Variants in TMPRSS11D observed in about 807,000 individuals in gnomAD.
TMPRSS11D encodes the protein transmembrane protease serine 11D.
Under a neutral mutation model 44.4 loss-of-function variants are expected in TMPRSS11D, and 32 were observed. That is an observed-to-expected ratio of 0.72 (90% CI 0.54 to 0.97). TMPRSS11D has a LOEUF of 0.97. Among genes scored for constraint, TMPRSS11D ranks in the 50% least tolerant of loss-of-function variants. The probability of loss-of-function intolerance (pLI) is 0.00; values close to 1 mark genes in which losing one functional copy is unlikely to be tolerated. For synonymous variants in TMPRSS11D, 179 were observed against 177.9 expected, an observed-to-expected ratio of 1.01 and a Z score of -0.05; for missense variants, 446 against 502.6, an observed-to-expected ratio of 0.89 and a Z score of 1.08.
chr4:67,848,103 T>C (rs1982778), intron 3 of TMPRSS11D, among the ~76,000 whole-genome samples: 109,019 of 152,174 alleles, frequency 0.72, 41,505 homozygotes, highest in Middle Eastern at 0.85. Context: ...TAATATTGCT[T>C]TCTTTCTCCT....
intron 3 of TMPRSS11D, 84 bp from the exon 4 acceptor site, chr4:67,842,709 T>C: frequency 8.2e-7 from 1 of 1,221,118 alleles, no homozygotes; most frequent in Non-Finnish European, 1.2e-6. Flanking sequence ...TGAGACATGT[T>C]AATGAGGAGT....
intron 1 of TMPRSS11D, among the ~76,000 whole-genome samples, chr4:67,861,801 T>C (rs889426390): frequency 3.3e-5 from 5 of 152,106 alleles, no homozygotes; most frequent in Non-Finnish European, 5.9e-5. Flanking sequence ...TCACAAGCCA[T>C]AACTAATTAC....
In TMPRSS11D at chr4:67,859,594, T is replaced by C. The variant is rs1560545963; in HGVS notation, c.93A>G (p.Ala31=). 3 of 1,613,160 alleles carry C rather than the reference T, an allele frequency of 1.9e-6. No individual in the cohort carries two copies. ...FIVVAGVVIL[A]VTIALLVYFL... ...AGTAAACAAGTAGAGCTATGGTGACTGCCAGGATCACTACCCCTGCGACGA... is the reference window on the plus strand; with the variant it reads ...AGTAAACAAGTAGAGCTATGGTGACCGCCAGGATCACTACCCCTGCGACGA... Residue 31 remains alanine (A), a synonymous_variant, in exon 2 of 10, where the codon GCA becomes GCG. Transcript: ENST00000283916.
intron 4 of TMPRSS11D, among the ~76,000 whole-genome samples, chr4:67,840,080 C>G (rs191413373): frequency 1.3e-5 from 2 of 150,016 alleles, no homozygotes; most frequent in African/African-American, 4.9e-5. Flanking sequence ...TATGTTAAGT[C>G]TAGGTTGTAC....
intron 3 of TMPRSS11D, among the ~76,000 whole-genome samples, chr4:67,852,723 G>C (rs1718538207): frequency 1.3e-5 from 2 of 152,180 alleles, no homozygotes; most frequent in African/African-American, 4.8e-5. Flanking sequence ...ACAGGAACCA[G>C]ATGTAGGGTT....
chr4:67,856,387 ACT>A (rs1718637201), intron 2 of TMPRSS11D, among the ~76,000 whole-genome samples: 1 of 152,130 alleles, frequency 6.6e-6, no homozygotes, highest in African/African-American at 2.4e-5. Context: ...GGGAAAGCAC[ACT>A]CTTTTCAATA....
Position 67,842,541 on chromosome 4 carries a change from T to C in TMPRSS11D, c.317+17A>G, listed in dbSNP as rs1158950750. The C allele has an allele frequency of 3.1e-6, 5 of 1,608,626 alleles. No homozygotes were observed. The Admixed American group carries it at 8.4e-5, about 27-fold the overall frequency. On this transcript the variant is annotated intron_variant, in intron 4 of 9. Transcript: ENST00000283916. ...ATTGTATCTATACTTAAATATTTTT[T>C]CTACAGTTCCACTCACCTCAGTTTG...
intron 9 of TMPRSS11D, 144 bp from the exon 10 acceptor site, chr4:67,822,642 A>C (rs908085528): frequency 1.1e-6 from 1 of 884,478 alleles, no homozygotes; most frequent in Non-Finnish European, 1.7e-6. Context: ...TATTATACCA[A>C]GTCATGGAAA....
chr4:67,854,581 A>T (rs1343088317), intron 2 of TMPRSS11D, among the ~76,000 whole-genome samples: 1 of 152,176 alleles, frequency 6.6e-6, no homozygotes, highest in Non-Finnish European at 1.5e-5. Flanking sequence ...AAATTTCAAA[A>T]ATTATTTCAA....
rs1718572486 is a variant in TMPRSS11D, at chr4:67,854,064, T to C, written c.249+4A>G. ...ATAAAGAGCAAAGACAAATATTAAC[T>C]TACCAGAGATTCAATTCTTCCACTC... is the stretch of plus-strand genomic sequence containing the variant. On this transcript the variant is annotated splice_donor_region_variant and intron_variant, in intron 3 of 9. Transcript: ENST00000283916. 4 of 1,457,200 alleles carry C rather than the reference T, an allele frequency of 2.7e-6. No homozygotes were observed. The East Asian group carries it at 7.2e-5, about 26-fold the overall frequency. 90.3% of individuals were successfully genotyped at this position (1,457,200 alleles called of 1,614,324 possible). A position where few individuals can be genotyped will look rare whatever the true frequency, so the allele number is the denominator to read the frequency against.
intron 9 of TMPRSS11D, among the ~76,000 whole-genome samples, chr4:67,823,561 T>C (rs1036098613): frequency 2.6e-5 from 4 of 152,144 alleles, no homozygotes; most frequent in Non-Finnish European, 5.9e-5. Context: ...GCTTAGCATA[T>C]AGTATAGTCA....
rs1277781213 is a variant in TMPRSS11D at position 67,851,943 on chromosome 4, C to T, written c.249+2125G>A. 2.6e-5 allele frequency among the ~76,000 whole-genome samples: 4 copies of T among 152,138 alleles called. No individual in the cohort carries two copies. In the East Asian group the frequency reaches 7.7e-4, roughly 29 times the overall value. ...TTGTAGGGGCTGCTCTGCTGCACTC[C>T]CACCCACCTTGGGACTGAGGTTACA... On this transcript the variant is annotated intron_variant, in intron 3 of 9. Transcript: ENST00000283916.
At chr4:67,876,097 T>C (rs1321571628) in intron 1 of TMPRSS11D, among the ~76,000 whole-genome samples, 1 of 152,168 alleles carries the variant, frequency 6.6e-6, no homozygotes, top group African/African-American at 2.4e-5. Flanking sequence ...TATGAAACAC[T>C]AGTCCTGTCC....
Position 67,859,563 on chromosome 4 carries a change from C to T in TMPRSS11D, c.124G>A (p.Ala42Thr), listed in dbSNP as rs757852121. 2 of 1,612,606 alleles carry T rather than the reference C, an allele frequency of 1.2e-6. No individual in the cohort carries two copies. The highest frequency in any genetic ancestry group is 1.7e-6 in the Non-Finnish European group (2 of 1,179,004). ...VTIALLVYFLAFDQKSYFYRS... is the reference protein window; with the variant it reads ...VTIALLVYFLTFDQKSYFYRS... The stretch of plus-strand genomic sequence containing the variant: ...ATAATGTTCTGGTACTTACCAAAAG[C>T]TAAAAAGTAAACAAGTAGAGCTATG... The change falls in exon 2 of 10, where the codon GCT becomes ACT. Residue 42 changes from alanine to threonine, a missense_variant. Ala to Thr is a moderately conservative substitution (Grantham distance 58, BLOSUM62 0). Transcript: ENST00000283916.
chr4:67,848,528 C>G (rs1203124837), intron 3 of TMPRSS11D, among the ~76,000 whole-genome samples: 1 of 152,120 alleles, frequency 6.6e-6, no homozygotes, highest in East Asian at 1.9e-4. Context: ...ATCAAATAAT[C>G]ATTCATAATT....
At chr4:67,839,389 G>T (rs1314195092) in intron 4 of TMPRSS11D, among the ~76,000 whole-genome samples, 1 of 152,000 alleles carries the variant, frequency 6.6e-6, no homozygotes, top group Non-Finnish European at 1.5e-5. Flanking sequence ...CAAATAGAAA[G>T]GATAGATAAT....
At chr4:67,876,727 G>A (rs1719200122) in intron 1 of TMPRSS11D, among the ~76,000 whole-genome samples, 1 of 152,094 alleles carries the variant, frequency 6.6e-6, no homozygotes, top group African/African-American at 2.4e-5. Flanking sequence ...TGCAACCCAA[G>A]ACATGGTGGG....
At chr4:67,837,143 C>T (rs7657117) in intron 5 of TMPRSS11D, among the ~76,000 whole-genome samples, 143,190 of 152,160 alleles carry the variant, frequency 0.94, 67,878 homozygotes, top group East Asian at 1. Context: ...CTGTGACCAT[C>T]GTATCACCAT....
chr4:67,825,198 C>T (rs1717762500), intron 9 of TMPRSS11D, among the ~76,000 whole-genome samples: 1 of 151,640 alleles, frequency 6.6e-6, no homozygotes, highest in African/African-American at 2.4e-5. Flanking sequence ...TTACGTATCT[C>T]TTAAAATTCA....
Sources: gnomAD v4.1 joint callset for allele counts (sites outside exome capture counted in the v4.1 genomes callset) on GRCh38, gnomAD v4.1.1 for gene constraint, MANE v1.5 for transcripts, NCBI Gene and HGNC (gene_info 2026-07-23, HGNC 2026-07-21) for gene names.